The following ANGPT1 variants were observed in gnomAD, a reference collection of about 807,000 sequenced individuals.
ANGPT1 encodes the protein angiopoietin-1.
In ANGPT1, 17 loss-of-function variants were observed where a neutral mutation model predicts 62.2. That is an observed-to-expected ratio of 0.27 (90% CI 0.19 to 0.41). The LOEUF is 0.41. ANGPT1 is among the 10% of genes least tolerant of loss of function. The probability of loss-of-function intolerance (pLI) is 1.00; values close to 1 mark genes in which losing one functional copy is unlikely to be tolerated. For missense variants in ANGPT1, 478 were observed against 594.9 expected (o/e 0.80, Z 2.04); for synonymous variants, 199 against 198.9 (o/e 1.00, Z 0.00).
chr8:107,294,664 T>C (rs1814366400), intron 5 of ANGPT1: 1 of 152,218 alleles, frequency 6.6e-6, no homozygotes, highest in South Asian at 2.1e-4. Flanking sequence ...GAACATGACA[T>C]ATTGTATCTC....
At chr8:107,353,770 T>C (rs1019058577) in intron 1 of ANGPT1, among the ~76,000 whole-genome samples, 1 of 152,184 alleles carries the variant, frequency 6.6e-6, no homozygotes, top group African/African-American at 2.4e-5. Flanking sequence ...ATGCTACAGG[T>C]ACAAAGAGTT....
chr8:107,313,596 C>T (rs1237417050), intron 4 of ANGPT1, among the ~76,000 whole-genome samples: 1 of 151,390 alleles, frequency 6.6e-6, no homozygotes, highest in East Asian at 1.9e-4. Context: ...CCCACCACCA[C>T]TCCTGGCTAA....
chr8:107,300,259 A>T (rs1814555664), intron 5 of ANGPT1, among the ~76,000 whole-genome samples: 1 of 151,002 alleles, frequency 6.6e-6, no homozygotes, highest in Non-Finnish European at 1.5e-5. Context: ...CAGCTTGTAA[A>T]TTACTTTTGA....
chr8:107,469,047 T>C (rs1015509109), intron 1 of ANGPT1, among the ~76,000 whole-genome samples: 1 of 152,034 alleles, frequency 6.6e-6, no homozygotes, highest in Admixed American at 6.6e-5. Context: ...AAGACAGATA[T>C]AGGCTATAGC....
At chr8:107,292,977 T>A (rs1276634232) in intron 6 of ANGPT1, among the ~76,000 whole-genome samples, 1 of 152,104 alleles carries the variant, frequency 6.6e-6, no homozygotes, top group Non-Finnish European at 1.5e-5. Flanking sequence ...AAATATAGAT[T>A]CTCCTGCATT....
chr8:107,362,843 C>G (rs1264891009), intron 1 of ANGPT1, among the ~76,000 whole-genome samples: 4 of 152,046 alleles, frequency 2.6e-5, no homozygotes, highest in East Asian at 1.9e-4. Flanking sequence ...AGAAGACATA[C>G]AGTTACATGA....
At chr8:107,305,497 T>C (rs1312737804) in intron 4 of ANGPT1, among the ~76,000 whole-genome samples, 1 of 151,988 alleles carries the variant, frequency 6.6e-6, no homozygotes, top group Non-Finnish European at 1.5e-5. Flanking sequence ...GAGGAAGCTA[T>C]TTCACACACA....
At chr8:107,453,740 G>C (rs868586445) in intron 1 of ANGPT1, among the ~76,000 whole-genome samples, 1 of 152,050 alleles carries the variant, frequency 6.6e-6, no homozygotes, top group East Asian at 1.9e-4. Context: ...AAAAAATTGG[G>C]TTAGAAATCT....
intron 1 of ANGPT1, among the ~76,000 whole-genome samples, chr8:107,497,055 G>A (rs1813120959): frequency 6.6e-6 from 1 of 152,158 alleles, no homozygotes; most frequent in Non-Finnish European, 1.5e-5. Context: ...CAAACGGGGT[G>A]CCCCCACACA....
In ANGPT1 at chr8:107,493,184, A is replaced by T. The variant is rs150020573; in HGVS notation, c.297+4078T>A. On this transcript the variant is annotated intron_variant, in intron 1 of 8. Transcript: ENST00000517746. ...TTAATGAACATGTTCAGAGGTATAA[A>T]AATGGATAAGCGACATTTACTACAC... 8.7e-4 allele frequency among the ~76,000 whole-genome samples: 131 copies of T among 150,854 alleles called. 3 individuals carry two copies. Among genetic ancestry groups the T allele is most frequent in the African/African-American group, 3.0e-3 (124 of 41,048 alleles).
In ANGPT1 at chr8:107,448,716, C is replaced by G. The variant is rs115365932; in HGVS notation, c.297+48546G>C. 2.0e-3 allele frequency among the ~76,000 whole-genome samples: 312 copies of G among 152,212 alleles called. 1 individual carries two copies. Among genetic ancestry groups the G allele is most frequent in the African/African-American group, 7.2e-3 (301 of 41,530 alleles). ...TCTTTATACCCCAAATCAGGATTAT[C>G]TATAAAACCACTCTCATTGAAATAA... On this transcript the variant is annotated intron_variant, in intron 1 of 8. Transcript: ENST00000517746.
intron 1 of ANGPT1, among the ~76,000 whole-genome samples, chr8:107,431,307 G>T (rs907255763): frequency 6.6e-5 from 10 of 152,266 alleles, no homozygotes; most frequent in African/African-American, 2.4e-4. Flanking sequence ...ATTTTGGTTG[G>T]AAGTCACTTG....
At chr8:107,373,062 A>T (rs1366905248) in intron 1 of ANGPT1, among the ~76,000 whole-genome samples, 1 of 152,168 alleles carries the variant, frequency 6.6e-6, no homozygotes, top group East Asian at 1.9e-4. Context: ...ACTACATGCA[A>T]GTTTATCTCA....
chr8:107,407,370 G>A (rs1363510267), intron 1 of ANGPT1, among the ~76,000 whole-genome samples: 12 of 151,760 alleles, frequency 7.9e-5, no homozygotes, highest in East Asian at 3.9e-4. Context: ...TGTAAATACC[G>A]AGGATGGATG....
Position 107,284,743 on chromosome 8 carries a change from C to T in ANGPT1, c.1144G>A (p.Gly382Arg). The T allele has an allele frequency of 6.2e-7, 1 of 1,611,112 alleles. No individual in the cohort carries two copies. The highest frequency in any genetic ancestry group is 8.5e-7 in the Non-Finnish European group (1 of 1,178,120). ...MLRIELMDWE[G>R]NRAYSQYDRF... Reference sequence around the variant, plus strand: ...TCATACTGTGAATAGGCTCGGTTCCCTTCCCAGTCCATTAACTCAATTCTT... The same window carrying T: ...TCATACTGTGAATAGGCTCGGTTCCTTTCCCAGTCCATTAACTCAATTCTT... Residue 382 changes from glycine to arginine, a missense_variant, in exon 7 of 9, where the codon GGG becomes AGG. This residue lies in a region of ANGPT1 where 81 missense variants were observed against 117.1 expected (regional missense o/e 0.69). Coordinates refer to ENST00000517746, the MANE Select transcript of ANGPT1 (RefSeq NM_001146.5).
chr8:107,257,179 C>CA (rs1813378976), intron 8 of ANGPT1, among the ~76,000 whole-genome samples: 1 of 152,162 alleles, frequency 6.6e-6, no homozygotes, highest in Non-Finnish European at 1.5e-5. Flanking sequence ...TTAAGGTTGG[C>CA]AACTGCTGAG....
chr8:107,444,491 C>T (rs1273056716), intron 1 of ANGPT1, among the ~76,000 whole-genome samples: 1 of 152,160 alleles, frequency 6.6e-6, no homozygotes, highest in East Asian at 1.9e-4. Flanking sequence ...GAGGTCCTAT[C>T]CCTCATTCTC....
chr8:107,313,429 GTTTTTTTTT>G (rs71308720), intron 4 of ANGPT1, among the ~76,000 whole-genome samples: 27 of 64,198 alleles, frequency 4.2e-4, no homozygotes, highest in Middle Eastern at 0.017. Flanking sequence ...GTTACTAGTT[GTTTTTTTTT>G]TTTTTTTTTT....
chr8:107,296,971 T>C (rs1196958590), intron 5 of ANGPT1, among the ~76,000 whole-genome samples: 1 of 148,142 alleles, frequency 6.8e-6, no homozygotes, highest in African/African-American at 2.4e-5. Flanking sequence ...TCACAAATTT[T>C]TGAAAAAGAC....
Sources: allele counts gnomAD v4.1 joint callset (sites outside exome capture counted in the v4.1 genomes callset), GRCh38; gene constraint gnomAD v4.1.1; regional missense constraint gnomAD v4.1.1; transcripts MANE v1.5; gene names NCBI Gene and HGNC (gene_info 2026-07-23, HGNC 2026-07-21).